The following COQ8B variants were observed in gnomAD, a reference collection of about 807,000 sequenced individuals.
The protein encoded by COQ8B is atypical kinase COQ8B, mitochondrial.
Under a neutral mutation model 62.0 loss-of-function variants are expected in COQ8B, and 44 were observed. That is an observed-to-expected ratio of 0.71 (90% CI 0.56 to 0.91). COQ8B has a LOEUF of 0.91. Among genes scored for constraint, COQ8B ranks in the 40% least tolerant of loss-of-function variants. The probability of loss-of-function intolerance (pLI) is 0.00; values close to 1 mark genes in which losing one functional copy is unlikely to be tolerated. For synonymous variants in COQ8B, 252 were observed against 289.9 expected, an observed-to-expected ratio of 0.87 and a Z score of 1.33; for missense variants, 649 against 731.6, an observed-to-expected ratio of 0.89 and a Z score of 1.30.
At position 40,692,299 on chromosome 19, in the gene COQ8B, A is replaced by G; in HGVS notation, c.1371T>C (p.Phe457=). 1 of 1,613,708 alleles carries G rather than the reference A, an allele frequency of 6.2e-7. No homozygotes were observed. Residue 457 remains phenylalanine, a synonymous_variant, in exon 15 of 15, where the codon TTT becomes TTC. Transcript: ENST00000324464. ...TGCGGCGGGCCGTTTCCCCCGACCC[A>G]AAGTCATAAGGGCCCTGGGTGGCGA... The part of the protein sequence containing the change: ...EPFATQGPYD[F]GSGETARRIQ...
In COQ8B at chr19:40,696,027, G is replaced by A. The variant is rs149736065; in HGVS notation, c.1171C>T (p.Arg391Trp). Residue 391 changes from arginine to tryptophan, a missense_variant, in exon 13 of 15, where the codon CGG becomes TGG. Coordinates refer to ENST00000324464, the MANE Select transcript of COQ8B (RefSeq NM_024876.4). Reference sequence around the variant, plus strand: ...TCTGTGAACTCTGTCCCAAACTCCCGGCTTGCACCAAAGTCCAGCAGGGTC... The same window carrying A: ...TCTGTGAACTCTGTCCCAAACTCCCAGCTTGCACCAAAGTCCAGCAGGGTC... ...QVTLLDFGAS[R>W]EFGTEFTDHY... 40 of 1,613,966 alleles carry A rather than the reference G, an allele frequency of 2.5e-5. No individual in the cohort carries two copies. The Admixed American group carries it at 2.7e-4, about 11-fold the overall frequency.
intron 4 of COQ8B, among the ~76,000 whole-genome samples, chr19:40,711,879 A>T (rs927299103): frequency 4.6e-5 from 7 of 152,178 alleles, no homozygotes; most frequent in African/African-American, 1.7e-4. Flanking sequence ...AGGTTCAGAG[A>T]AGTGAAGTAA....
chr19:40,708,210 T>C (rs1437214052), intron 5 of COQ8B: 1 of 152,128 alleles, frequency 6.6e-6, no homozygotes, highest in African/African-American at 2.4e-5. Flanking sequence ...TGAAGGCCAG[T>C]TGTGGTGGCT....
Position 40,705,373 on chromosome 19 carries a change from TAC to T in COQ8B, c.440_441del (p.Cys147TyrfsTer30). On this transcript the variant is annotated frameshift_variant, in exon 6 of 15. Coordinates refer to ENST00000324464, the MANE Select transcript of COQ8B (RefSeq NM_024876.4). LOFTEE classifies it high-confidence loss of function. ...ACCTTGAGGGCGGCCCCTCGAACTGTACATAAGGTCTGCACAATCCGCTCGGC... is the reference window on the plus strand; with the variant it reads ...ACCTTGAGGGCGGCCCCTCGAACTGTATAAGGTCTGCACAATCCGCTCGGC... ...ANAERIVQTL[C>X]TVRGAALKVG... 6.2e-7 allele frequency: 1 copy of T among 1,602,036 alleles called. No homozygotes were observed. The highest frequency in any genetic ancestry group is 8.5e-7 in the Non-Finnish European group (1 of 1,170,270).
chr19:40,715,392 A>C, intron 1 of COQ8B: 2 of 985,338 alleles, frequency 2.0e-6, no homozygotes, highest in Non-Finnish European at 2.4e-6. Context: ...TCCCTTACAA[A>C]CCTGACGCCT....
At chr19:40,699,931 C>T in intron 12 of COQ8B, 136 bp downstream of exon 12, 5 of 778,526 alleles carry the variant, frequency 6.4e-6, no homozygotes, top group South Asian at 5.1e-5. Context: ...AGCTGGGTCC[C>T]TGAATCCCAC....
At chr19:40,703,391 C>T (rs2082076223) in intron 9 of COQ8B, 150 bp downstream of exon 9, 3 of 779,300 alleles carry the variant, frequency 3.8e-6, no homozygotes, top group Non-Finnish European at 6.0e-6. Flanking sequence ...CCTGGGCTCT[C>T]CCCGCCTTGG....
chr19:40,709,235 C>T (rs1407065140), intron 5 of COQ8B, among the ~76,000 whole-genome samples: 1 of 152,166 alleles, frequency 6.6e-6, no homozygotes, highest in South Asian at 2.1e-4. Context: ...TCAGATTTTC[C>T]ATTTGTCTCC....
rs552152071 is a variant in COQ8B at position 40,702,767 on chromosome 19, T to C, written c.800-74A>G. On this transcript the variant is annotated intron_variant, in intron 9 of 14. Transcript: ENST00000324464. ...TGGATGCCTTCTCCTGCCAACCCTC[T>C]CTCTCCTGTCTCCCGCGCTGTCCCT... 1.0e-3 allele frequency: 1,357 copies of C among 1,363,468 alleles called. 8 individuals carry two copies. Among genetic ancestry groups the C allele is most frequent in the South Asian group, 1.1e-3 (95 of 85,522 alleles). The allele number at this position is 1,363,468 out of a possible 1,614,324, so 84.5% of individuals were successfully genotyped here. A position where few individuals can be genotyped will look rare whatever the true frequency, so the allele number is the denominator to read the frequency against.
intron 5 of COQ8B, among the ~76,000 whole-genome samples, chr19:40,705,720 T>C (rs900029647): frequency 6.6e-6 from 1 of 152,174 alleles, no homozygotes; most frequent in African/African-American, 2.4e-5. Flanking sequence ...TGCAGGAGGA[T>C]GGCTTGAGTC....
At chr19:40,704,011 G>A (rs922428717) in intron 7 of COQ8B, among the ~76,000 whole-genome samples, 156 bp from the exon 8 acceptor site, 1 of 152,198 alleles carries the variant, frequency 6.6e-6, no homozygotes, top group East Asian at 1.9e-4. Context: ...CTGAGGCTCA[G>A]AGAGAGCTCC....
intron 9 of COQ8B, 184 bp downstream of exon 9, chr19:40,703,357 C>T: frequency 1.6e-6 from 1 of 625,910 alleles, no homozygotes; most frequent in Non-Finnish European, 2.7e-6. Context: ...ATCCATAAGG[C>T]TTTTCCCACA....
intron 11 of COQ8B, 44 bp from the exon 12 acceptor site, chr19:40,700,218 T>C (rs758422079): frequency 6.2e-7 from 1 of 1,613,686 alleles, no homozygotes; most frequent in East Asian, 2.2e-5. Flanking sequence ...TGATCTCCCT[T>C]GTGGTGCCAC....
chr19:40,699,257 G>A (rs1385681636), intron 12 of COQ8B, among the ~76,000 whole-genome samples: 2 of 151,856 alleles, frequency 1.3e-5, no homozygotes, highest in Non-Finnish European at 2.9e-5. Context: ...CCTCTCAGTG[G>A]CCTCAGCTTT....
chr19:40,695,325 A>AG (rs2082005852), intron 13 of COQ8B, among the ~76,000 whole-genome samples: 2 of 151,706 alleles, frequency 1.3e-5, no homozygotes, highest in Non-Finnish European at 2.9e-5. Context: ...CTCAATTAAA[A>AG]AAAAAAAAAA....
In COQ8B at chr19:40,691,639, G is replaced by C. The variant is rs2081972942; in HGVS notation, c.*396C>G. The C allele has an allele frequency of 6.0e-6, 1 of 166,144 alleles. No individual in the cohort carries two copies. Among genetic ancestry groups the C allele is most frequent in the East Asian group, 1.7e-4 (1 of 6,012 alleles). The allele number at this position is 166,144 out of a possible 1,614,324, so 10.3% of individuals were successfully genotyped here. ...GGAACCCGGGAGAAGGCAGCTGTTG[G>C]AGGAGCGAGGGAGGCAGAGGTGAGG... On this transcript the variant is annotated 3_prime_UTR_variant, in exon 15 of 15. Transcript: ENST00000324464.
At chr19:40,702,548 C>A in intron 10 of COQ8B, 52 bp downstream of exon 10, 3 of 1,584,736 alleles carry the variant, frequency 1.9e-6, no homozygotes, top group Non-Finnish European at 2.6e-6. Context: ...CAGCTACTTC[C>A]CACCCAGCCT....
chr19:40,692,126 G>C lies in COQ8B; in HGVS notation c.1544C>G (p.Thr515Ser), dbSNP rs781298279. The C allele has an allele frequency of 6.2e-7, 1 of 1,606,792 alleles. No individual in the cohort carries two copies. Among genetic ancestry groups the C allele is most frequent in the Non-Finnish European group, 8.5e-7 (1 of 1,176,926 alleles). The change falls in exon 15 of 15, where the codon ACC becomes AGC. Residue 515 changes from threonine to serine, a missense_variant. Physicochemically the swap from Thr to Ser is moderately conservative, Grantham distance 58. Transcript: ENST00000324464. ...HIACRDLFQDTYHRYWASRQP... is the reference protein window; with the variant it reads ...HIACRDLFQDSYHRYWASRQP... Reference sequence around the variant, plus strand: ...GCGACTGGCCCAGTAGCGGTGGTAGGTGTCCTGGAAGAGGTCCCTGCAGGC... The same window carrying C: ...GCGACTGGCCCAGTAGCGGTGGTAGCTGTCCTGGAAGAGGTCCCTGCAGGC...
chr19:40,711,619 T>C (rs955060849), intron 4 of COQ8B, among the ~76,000 whole-genome samples: 15 of 152,182 alleles, frequency 9.9e-5, no homozygotes, highest in African/African-American at 3.6e-4. Flanking sequence ...CCCTTTGATG[T>C]TATCTCTCCA....
Sources: gnomAD v4.1 joint callset for allele counts (sites outside exome capture counted in the v4.1 genomes callset) on GRCh38, gnomAD v4.1.1 for gene constraint, MANE v1.5 for transcripts, NCBI Gene and HGNC (gene_info 2026-07-23, HGNC 2026-07-21) for gene names.